THSD7A: variants seen among roughly 807,000 people sequenced by gnomAD.
THSD7A encodes the protein thrombospondin type-1 domain-containing protein 7A.
Under a neutral mutation model 231.3 loss-of-function variants are expected in THSD7A, and 96 were observed. The observed-to-expected ratio is 0.41, with a 90% CI of 0.35 to 0.49. THSD7A has a LOEUF of 0.49. Among genes scored for constraint, THSD7A ranks in the 20% least tolerant of loss-of-function variants. The pLI is 0.05. For missense variants in THSD7A, 2,290 were observed against 2,070.2 expected, an observed-to-expected ratio of 1.11 and a Z score of -2.06; for synonymous variants, 940 against 743.3, an observed-to-expected ratio of 1.26 and a Z score of -4.30.
chr7:11,812,042 A>G (rs931477231), intron 1 of THSD7A, among the ~76,000 whole-genome samples: 4 of 152,110 alleles, frequency 2.6e-5, no homozygotes, highest in African/African-American at 9.7e-5. Context: ...CACTGAGCAT[A>G]ATGAGAGACA....
intron 4 of THSD7A, among the ~76,000 whole-genome samples, chr7:11,543,944 G>T (rs945729976): frequency 2.0e-5 from 3 of 152,118 alleles, no homozygotes; most frequent in Admixed American, 2.0e-4. Context: ...AAACTATATG[G>T]ACAGAGGAAG....
chr7:11,774,173 C>T (rs183142884), intron 1 of THSD7A, among the ~76,000 whole-genome samples: 2 of 152,172 alleles, frequency 1.3e-5, no homozygotes, highest in Admixed American at 1.3e-4. Context: ...TAAGGAAATT[C>T]TAACATTTGT....
intron 1 of THSD7A, among the ~76,000 whole-genome samples, chr7:11,729,272 G>A (rs1179523758): frequency 3.3e-5 from 5 of 151,766 alleles, no homozygotes; most frequent in African/African-American, 4.8e-5. Context: ...AAAAAGATGT[G>A]TGGAGGAAGT....
chr7:11,500,835 C>A (rs545536507), intron 6 of THSD7A, among the ~76,000 whole-genome samples: 4 of 151,456 alleles, frequency 2.6e-5, no homozygotes, highest in South Asian at 2.1e-4. Context: ...ACTTGGGAGG[C>A]TGAGGCAGAG....
chr7:11,740,758 C>A (rs1408481992), intron 1 of THSD7A, among the ~76,000 whole-genome samples: 1 of 151,882 alleles, frequency 6.6e-6, no homozygotes, highest in African/African-American at 2.4e-5. Context: ...ATGTCAGTAC[C>A]AGAAAGTATA....
chr7:11,659,207 G>C (rs1160496029), intron 1 of THSD7A, among the ~76,000 whole-genome samples: 1 of 151,598 alleles, frequency 6.6e-6, no homozygotes, highest in Non-Finnish European at 1.5e-5. Flanking sequence ...TGTGCTAAAA[G>C]GCACTGGAGC....
Position 11,376,649 on chromosome 7 carries a change from G to C in THSD7A, c.4810C>G (p.Leu1604Val). The change falls in exon 27 of 28, where the codon CTA (leucine) becomes GTA (valine). Residue 1604 changes from leucine (L) to valine (V), a missense_variant. By Grantham distance (32) the Leu-to-Val change is conservative. Coordinates refer to ENST00000423059, the MANE Select transcript of THSD7A (RefSeq NM_015204.3). The stretch of plus-strand genomic sequence containing the variant: ...GCTACACCGTAAACCCAGGTCTTTA[G>C]TCTCCCATCTAAGAAGAATGGATAT... ...FLQPFGPDGRLKTWVYGVAAG... is the reference protein window; with the variant it reads ...FLQPFGPDGRVKTWVYGVAAG... 1 of 1,575,886 alleles carries C rather than the reference G, an allele frequency of 6.3e-7. No homozygotes were observed. Among genetic ancestry groups the C allele is most frequent in the Non-Finnish European group, 8.6e-7 (1 of 1,159,646 alleles).
intron 1 of THSD7A, among the ~76,000 whole-genome samples, chr7:11,694,292 C>G (rs1448368075): frequency 6.6e-6 from 1 of 151,412 alleles, no homozygotes; most frequent in Non-Finnish European, 1.5e-5. Context: ...GAAAAGTAGC[C>G]CAACTGTATG....
intron 11 of THSD7A, among the ~76,000 whole-genome samples, chr7:11,449,459 C>T (rs549518774): frequency 7.4e-4 from 113 of 152,092 alleles, no homozygotes; most frequent in African/African-American, 2.5e-3. Context: ...AGGAAGGGTT[C>T]TGGCAAACAC....
chr7:11,569,399 C>T (rs772308498), intron 4 of THSD7A, among the ~76,000 whole-genome samples: 5 of 152,030 alleles, frequency 3.3e-5, no homozygotes, highest in Non-Finnish European at 7.4e-5. Flanking sequence ...AGAATACATA[C>T]AAATGGCCAA....
At chr7:11,537,487 T>C (rs1256318462) in intron 6 of THSD7A, among the ~76,000 whole-genome samples, 1 of 152,100 alleles carries the variant, frequency 6.6e-6, no homozygotes, top group African/African-American at 2.4e-5. Flanking sequence ...TGTTCAAAAA[T>C]GTGTGGCATC....
chr7:11,795,809 G>A (rs2128179578), intron 1 of THSD7A, among the ~76,000 whole-genome samples: 1 of 151,664 alleles, frequency 6.6e-6, no homozygotes, highest in Middle Eastern at 3.4e-3. Flanking sequence ...TTTGGGAAAA[G>A]ACAGGAGCAA....
intron 1 of THSD7A, among the ~76,000 whole-genome samples, chr7:11,771,213 T>A (rs1243627626): frequency 6.6e-6 from 1 of 151,224 alleles, no homozygotes; most frequent in Admixed American, 6.6e-5. Context: ...TTATAAAAAA[T>A]TTACATTGGA....
Position 11,371,467 on chromosome 7 carries a change from C to G in THSD7A, c.*4327G>C, listed in dbSNP as rs1278789606. 6.6e-6 allele frequency: 1 copy of G among 152,180 alleles called. No homozygotes were observed. Among genetic ancestry groups the G allele is most frequent in the African/African-American group, 2.4e-5 (1 of 41,456 alleles). The allele number at this position is 152,180 out of a possible 1,614,324, so 9.4% of individuals were successfully genotyped here. ...AGGACTACTGTTTTTTCAACACCCT[C>G]AATCTTACAGTGGAAATAGAAGAAG... is the stretch of plus-strand genomic sequence containing the variant. On this transcript the variant is annotated 3_prime_UTR_variant, in exon 28 of 28. Transcript: ENST00000423059.
At chr7:11,688,874 AAAGT>A (rs1780146751) in intron 1 of THSD7A, among the ~76,000 whole-genome samples, 1 of 151,860 alleles carries the variant, frequency 6.6e-6, no homozygotes, top group Admixed American at 6.6e-5. Flanking sequence ...GATTTGTAGT[AAAGT>A]AAGTAAAATT....
intron 7 of THSD7A, among the ~76,000 whole-genome samples, chr7:11,477,340 T>A (rs1490331833): frequency 6.6e-6 from 1 of 152,178 alleles, no homozygotes; most frequent in Admixed American, 6.5e-5. Flanking sequence ...TATATATGCA[T>A]CTTTGATAGA....
intron 7 of THSD7A, among the ~76,000 whole-genome samples, chr7:11,480,991 C>T (rs899058356): frequency 1.3e-5 from 2 of 152,052 alleles, no homozygotes; most frequent in Admixed American, 6.6e-5. Flanking sequence ...AAAGAACATG[C>T]CTTAATATGA....
At chr7:11,479,344 C>T (rs1786328766) in intron 7 of THSD7A, among the ~76,000 whole-genome samples, 1 of 152,156 alleles carries the variant, frequency 6.6e-6, no homozygotes, top group Non-Finnish European at 1.5e-5. Context: ...ATCTACTTTT[C>T]GCATGGACTT....
At chr7:11,641,402 C>T (rs147534879) in intron 1 of THSD7A, among the ~76,000 whole-genome samples, 213 of 151,860 alleles carry the variant, frequency 1.4e-3, no homozygotes, top group African/African-American at 5.0e-3. Context: ...TCAGTGCCAG[C>T]GGGAATAAAG....
Sources: gnomAD v4.1 joint callset for allele counts (sites outside exome capture counted in the v4.1 genomes callset) on GRCh38, gnomAD v4.1.1 for gene constraint, MANE v1.5 for transcripts, NCBI Gene and HGNC (gene_info 2026-07-23, HGNC 2026-07-21) for gene names.